The following NEGR1 variants were observed in gnomAD, a reference collection of about 807,000 sequenced individuals.
The protein encoded by NEGR1 is IgLON family member 4.
Under a neutral mutation model 40.9 loss-of-function variants are expected in NEGR1, and 10 were observed. The ratio of observed to expected loss-of-function variants is 0.24; its 90% CI spans 0.15 to 0.42. The LOEUF (loss-of-function observed/expected upper bound fraction) is 0.42, where lower values mean the gene tolerates loss of function less well. NEGR1 is among the 10% of genes least tolerant of loss of function. The probability of loss-of-function intolerance (pLI) is 1.00; values close to 1 mark genes in which losing one functional copy is unlikely to be tolerated. For missense variants in NEGR1, 352 were observed against 438.9 expected (o/e 0.80, Z 1.77); for synonymous variants, 185 against 166.8 (o/e 1.11, Z -0.84).
chr1:72,110,476 T>G (rs1649316978), intron 1 of NEGR1, among the ~76,000 whole-genome samples: 1 of 151,606 alleles, frequency 6.6e-6, no homozygotes. Context: ...TATTTTATGG[T>G]AGCCATGGTA....
At chr1:71,807,454 T>C (rs1401175875) in intron 2 of NEGR1, among the ~76,000 whole-genome samples, 1 of 152,080 alleles carries the variant, frequency 6.6e-6, no homozygotes, top group Non-Finnish European at 1.5e-5. Context: ...TGTATACAGA[T>C]AGAAGTTGCA....
intron 2 of NEGR1, among the ~76,000 whole-genome samples, chr1:71,800,843 C>A (rs1279331821): frequency 1.3e-5 from 2 of 152,110 alleles, no homozygotes. Flanking sequence ...GTTCTTCAAT[C>A]TTTAAGAAAA....
intron 1 of NEGR1, among the ~76,000 whole-genome samples, chr1:72,119,296 G>A (rs1010433361): frequency 2.6e-5 from 4 of 151,898 alleles, no homozygotes; most frequent in Admixed American, 2.6e-4. Context: ...CACAGTGAGC[G>A]AGCTGAATAG....
intron 1 of NEGR1, among the ~76,000 whole-genome samples, chr1:72,159,974 TA>T (rs889709504): frequency 2.6e-5 from 4 of 152,160 alleles, no homozygotes; most frequent in Admixed American, 1.3e-4. Flanking sequence ...AAAGTTAAAT[TA>T]AATAGATTTT....
chr1:71,749,987 T>C lies in NEGR1; in HGVS notation c.535+26185A>G, dbSNP rs566356843. Among the ~76,000 whole-genome samples, 57 of 141,740 alleles carry C rather than the reference T, an allele frequency of 4.0e-4. No homozygotes were observed. The South Asian group carries it at 0.012, about 29-fold the overall frequency. The allele number at this position is 141,740 out of a possible 152,430, so 93.0% of individuals were successfully genotyped here. On this transcript the variant is annotated intron_variant, in intron 3 of 6. Transcript: ENST00000357731. Reference sequence around the variant, plus strand: ...CTCCTGATGAAATGGTTTGCTCCTTTCTTTTTTTTTTTTTTTTGAGACGGA... The same window carrying C: ...CTCCTGATGAAATGGTTTGCTCCTTCCTTTTTTTTTTTTTTTTGAGACGGA...
At chr1:71,934,988 T>C in intron 2 of NEGR1, 91 bp downstream of exon 2, 1 of 734,190 alleles carries the variant, frequency 1.4e-6, no homozygotes, top group South Asian at 1.7e-5. Flanking sequence ...TATTTCAACA[T>C]TGTTAACTGC....
intron 1 of NEGR1, among the ~76,000 whole-genome samples, chr1:72,082,416 A>G (rs536376650): frequency 6.6e-6 from 1 of 152,274 alleles, no homozygotes; most frequent in African/African-American, 2.4e-5. Context: ...TATGTAGTAG[A>G]GCTTACTTAT....
chr1:71,591,705 G>A (rs1242065374), intron 6 of NEGR1, among the ~76,000 whole-genome samples: 3 of 151,896 alleles, frequency 2.0e-5, no homozygotes, highest in Non-Finnish European at 4.4e-5. Flanking sequence ...CTTTCAAATC[G>A]AGTGCTAAAG....
chr1:72,001,081 G>A (rs1041886373), intron 1 of NEGR1, among the ~76,000 whole-genome samples: 2 of 152,006 alleles, frequency 1.3e-5, no homozygotes, highest in African/African-American at 4.8e-5. Flanking sequence ...TCAAGCTAAG[G>A]GCCTGCATGT....
intron 6 of NEGR1, among the ~76,000 whole-genome samples, chr1:71,537,592 G>A (rs1429717452): frequency 1.3e-5 from 2 of 151,656 alleles, no homozygotes; most frequent in African/African-American, 4.8e-5. Context: ...CACATTTTAA[G>A]CCAACACCAA....
At chr1:71,939,994 A>G (rs949968182) in intron 1 of NEGR1, among the ~76,000 whole-genome samples, 3 of 152,136 alleles carry the variant, frequency 2.0e-5, no homozygotes, top group African/African-American at 7.2e-5. Context: ...GTGACAGACT[A>G]TGCTAGTATT....
At chr1:71,728,780 T>C (rs866882426) in intron 3 of NEGR1, among the ~76,000 whole-genome samples, 1 of 152,294 alleles carries the variant, frequency 6.6e-6, no homozygotes, top group Non-Finnish European at 1.5e-5. Flanking sequence ...ATACAAGGTA[T>C]GTGCTCATTA....
chr1:71,659,608 A>G (rs1225101036), intron 4 of NEGR1, among the ~76,000 whole-genome samples: 1 of 152,166 alleles, frequency 6.6e-6, no homozygotes, highest in East Asian at 1.9e-4. Context: ...TCGAGCATCT[A>G]TAAGAAACTT....
chr1:71,613,032 TAA>T (rs1650313513), intron 4 of NEGR1, among the ~76,000 whole-genome samples: 1 of 152,182 alleles, frequency 6.6e-6, no homozygotes, highest in South Asian at 2.1e-4. Flanking sequence ...AGAGTACAGA[TAA>T]AATCTGATTG....
chr1:71,917,907 TA>T (rs1661635417), intron 2 of NEGR1, among the ~76,000 whole-genome samples: 1 of 151,572 alleles, frequency 6.6e-6, no homozygotes, highest in Non-Finnish European at 1.5e-5. Flanking sequence ...CTGTGTGCTC[TA>T]CTGCAACGTT....
At chr1:71,445,113 G>A (rs913384881) in intron 6 of NEGR1, among the ~76,000 whole-genome samples, 1 of 152,090 alleles carries the variant, frequency 6.6e-6, no homozygotes, top group African/African-American at 2.4e-5. Context: ...AGCTAAACTG[G>A]AAATGACAAA....
intron 3 of NEGR1, among the ~76,000 whole-genome samples, chr1:71,740,596 G>A (rs2101675780): frequency 6.6e-6 from 1 of 152,048 alleles, no homozygotes; most frequent in Non-Finnish European, 1.5e-5. Context: ...TGGGGGTTTG[G>A]GTAGCTCATA....
At chr1:71,511,082 GA>G (rs1647069797) in intron 6 of NEGR1, among the ~76,000 whole-genome samples, 1 of 152,188 alleles carries the variant, frequency 6.6e-6, no homozygotes, top group Non-Finnish European at 1.5e-5. Flanking sequence ...AGGCTACAAG[GA>G]ACTTTTAGAG....
intron 4 of NEGR1, among the ~76,000 whole-genome samples, chr1:71,678,720 A>C (rs1308290218): frequency 6.6e-6 from 1 of 152,164 alleles, no homozygotes; most frequent in Non-Finnish European, 1.5e-5. Flanking sequence ...TACTAGGCAC[A>C]GTATTGAGAG....
Sources: allele counts gnomAD v4.1 joint callset (sites outside exome capture counted in the v4.1 genomes callset), GRCh38; gene constraint gnomAD v4.1.1; transcripts MANE v1.5; gene names NCBI Gene and HGNC (gene_info 2026-07-23, HGNC 2026-07-21).